TMPRSS11A: variants seen among roughly 807,000 people sequenced by gnomAD.
The protein encoded by TMPRSS11A is transmembrane protease serine 11A.
In TMPRSS11A, 53 loss-of-function variants were observed where a neutral mutation model predicts 58.9. That is an observed-to-expected ratio of 0.90 (90% CI 0.72 to 1.13). The LOEUF (loss-of-function observed/expected upper bound fraction) is 1.13. Among genes scored for constraint, TMPRSS11A ranks in the 50% most tolerant of loss-of-function variants. The pLI is 0.00. For missense variants in TMPRSS11A, 493 were observed against 499.3 expected (o/e 0.99, Z 0.12); for synonymous variants, 167 against 169.8 (o/e 0.98, Z 0.13).
In TMPRSS11A at chr4:67,944,649, A is replaced by T; in HGVS notation, c.134-12T>A. The T allele has an allele frequency of 6.2e-7, 1 of 1,604,128 alleles. No individual in the cohort carries two copies. ...CTCCTTTTTTTGGTCTGCAATGGAA[A>T]TGAAAAATAGGAAACTAAATGGTTT... On this transcript the variant is annotated splice_polypyrimidine_tract_variant and intron_variant, in intron 2 of 9. Transcript: ENST00000508048.
intron 4 of TMPRSS11A, among the ~76,000 whole-genome samples, chr4:67,930,354 T>C (rs1477884051): frequency 6.6e-6 from 1 of 152,198 alleles, no homozygotes; most frequent in Non-Finnish European, 1.5e-5. Context: ...GCTAATCAAT[T>C]GTATATTTGA....
intron 1 of TMPRSS11A, among the ~76,000 whole-genome samples, chr4:67,961,537 A>T (rs1721429027): frequency 3.3e-5 from 2 of 61,180 alleles, no homozygotes; most frequent in Admixed American, 2.6e-4. Context: ...TTTGAGACAG[A>T]GTCTTGTTCT....
chr4:67,930,252 G>A (rs1720578874), intron 4 of TMPRSS11A, among the ~76,000 whole-genome samples: 1 of 152,070 alleles, frequency 6.6e-6, no homozygotes, highest in African/African-American at 2.4e-5. Flanking sequence ...TAATTTGAAG[G>A]ATTGTTACAG....
chr4:67,918,023 C>T (rs183658072), intron 8 of TMPRSS11A, among the ~76,000 whole-genome samples: 36 of 152,238 alleles, frequency 2.4e-4, no homozygotes, highest in African/African-American at 8.4e-4. Flanking sequence ...TCTAGAGACC[C>T]TAAAACCGAT....
rs371262351 is a variant in TMPRSS11A at position 67,911,337 on chromosome 4, G to C, written c.*5C>G. 6.2e-7 allele frequency: 1 copy of C among 1,611,784 alleles called. No homozygotes were observed. ...CAGCTTTCTTTGTTTAACTTTTATCGTGAATTAGATGCCTGTTTTTGAAGC... is the reference window on the plus strand; with the variant it reads ...CAGCTTTCTTTGTTTAACTTTTATCCTGAATTAGATGCCTGTTTTTGAAGC... On this transcript the variant is annotated 3_prime_UTR_variant, in exon 10 of 10. Coordinates refer to ENST00000508048, the MANE Select transcript of TMPRSS11A (RefSeq NM_001114387.2).
rs1201128623 is a variant in TMPRSS11A, at chr4:67,909,666, T to C, written c.*1676A>G. On this transcript the variant is annotated 3_prime_UTR_variant, in exon 10 of 10. Coordinates refer to ENST00000508048, the MANE Select transcript of TMPRSS11A (RefSeq NM_001114387.2). ...CAGCCAGCTGCCTAAATGAATCTCG[T>C]CATTTAAAATTCTTATCTTAAGAGT... 6.6e-6 allele frequency: 1 copy of C among 152,168 alleles called. No homozygotes were observed. The highest frequency in any genetic ancestry group is 6.5e-5 in the Admixed American group (1 of 15,272). The allele number at this position is 152,168 out of a possible 1,614,324, so 9.4% of individuals were successfully genotyped here.
At chr4:67,954,112 C>G (rs940416009) in intron 1 of TMPRSS11A, among the ~76,000 whole-genome samples, 1 of 152,050 alleles carries the variant, frequency 6.6e-6, no homozygotes, top group Admixed American at 6.5e-5. Context: ...AGTTAGGAAC[C>G]AAGAAAAGAA....
chr4:67,911,306 T>A lies in TMPRSS11A; in HGVS notation c.*36A>T. ...GTTGAATTCTCATGCATATATGACC[T>A]GCATACAGCTTTCTTTGTTTAACTT... is the stretch of plus-strand genomic sequence containing the variant. On this transcript the variant is annotated 3_prime_UTR_variant, in exon 10 of 10. Transcript: ENST00000508048. The A allele has an allele frequency of 6.2e-7, 1 of 1,604,884 alleles. No individual in the cohort carries two copies. The highest frequency in any genetic ancestry group is 8.5e-7 in the Non-Finnish European group (1 of 1,173,458).
chr4:67,940,590 C>T (rs1269470836), intron 3 of TMPRSS11A, among the ~76,000 whole-genome samples: 4 of 152,102 alleles, frequency 2.6e-5, no homozygotes, highest in Admixed American at 2.6e-4. Flanking sequence ...TGTAATGTTA[C>T]CTCTATCATT....
At chr4:67,922,675 A>G in intron 7 of TMPRSS11A, 80 bp downstream of exon 7, 2 of 1,330,682 alleles carry the variant, frequency 1.5e-6, no homozygotes, top group Non-Finnish European at 2.1e-6. Context: ...AATATTTGAG[A>G]CATTAATTGT....
In TMPRSS11A at chr4:67,909,468, G is replaced by A. The variant is rs1719911317; in HGVS notation, c.*1874C>T. 6.6e-6 allele frequency: 1 copy of A among 152,086 alleles called. No individual in the cohort carries two copies. The highest frequency in any genetic ancestry group is 2.1e-4 in the South Asian group (1 of 4,832). 9.4% of individuals were successfully genotyped at this position (152,086 alleles called of 1,614,324 possible). On this transcript the variant is annotated 3_prime_UTR_variant, in exon 10 of 10. Transcript: ENST00000508048. ...GCTTACATGTGACCCAAAATGAAAT[G>A]CTGCACCAAATAGTTTAAAAATACA...
intron 4 of TMPRSS11A, among the ~76,000 whole-genome samples, chr4:67,930,263 C>T (rs79043085): frequency 0.018 from 2,680 of 152,202 alleles, 77 homozygotes; most frequent in African/African-American, 0.059. Flanking sequence ...ATTGTTACAG[C>T]AGCTAGGAAT....
In TMPRSS11A at chr4:67,910,867, T is replaced by G. The variant is rs1719952517; in HGVS notation, c.*475A>C. 6.6e-6 allele frequency: 1 copy of G among 152,130 alleles called. No homozygotes were observed. Among genetic ancestry groups the G allele is most frequent in the South Asian group, 2.1e-4 (1 of 4,834 alleles). The allele number at this position is 152,130 out of a possible 1,614,324, so 9.4% of individuals were successfully genotyped here. ...GTGTAGAAGTAGAAAATTCATTTCTTATGGTGGAAAGGTACTTTGGAAAAT... is the reference window on the plus strand; with the variant it reads ...GTGTAGAAGTAGAAAATTCATTTCTGATGGTGGAAAGGTACTTTGGAAAAT... On this transcript the variant is annotated 3_prime_UTR_variant, in exon 10 of 10. Transcript: ENST00000508048.
chr4:67,933,518 T>C (rs1720679311), intron 3 of TMPRSS11A, among the ~76,000 whole-genome samples: 1 of 152,200 alleles, frequency 6.6e-6, no homozygotes, highest in Non-Finnish European at 1.5e-5. Context: ...GATATAGATT[T>C]GGTAATAGCC....
intron 1 of TMPRSS11A, among the ~76,000 whole-genome samples, 181 bp downstream of exon 1, chr4:67,963,202 G>T (rs1721481053): frequency 6.6e-6 from 1 of 152,146 alleles, no homozygotes; most frequent in Non-Finnish European, 1.5e-5. Context: ...CAAAAACTTT[G>T]ATTTCAAACA....
intron 1 of TMPRSS11A, among the ~76,000 whole-genome samples, chr4:67,952,091 A>G (rs1721176820): frequency 6.6e-6 from 1 of 152,202 alleles, no homozygotes; most frequent in African/African-American, 2.4e-5. Flanking sequence ...AGAATATAGA[A>G]CTGCTATTTA....
At position 67,918,961 on chromosome 4, in the gene TMPRSS11A, T is replaced by C. The variant is rs1461316077; in HGVS notation, c.952+12A>G. The C allele has an allele frequency of 6.2e-6, 10 of 1,613,608 alleles. No homozygotes were observed. The highest frequency in any genetic ancestry group is 7.6e-6 in the Non-Finnish European group (9 of 1,179,688). Reference sequence around the variant, plus strand: ...GGGCTTAGCGCTCTGTTAGCTATCCTGAGATACCCACCACCATAGTAAAGT... The same window carrying C: ...GGGCTTAGCGCTCTGTTAGCTATCCCGAGATACCCACCACCATAGTAAAGT... On this transcript the variant is annotated intron_variant, in intron 8 of 9. Transcript: ENST00000508048.
chr4:67,913,181 G>A (rs969230747), intron 9 of TMPRSS11A, among the ~76,000 whole-genome samples: 3 of 152,144 alleles, frequency 2.0e-5, no homozygotes, highest in African/African-American at 7.2e-5. Flanking sequence ...TGGTGCTATG[G>A]TTTGAATGTG....
At chr4:67,955,513 G>A (rs1331012472) in intron 1 of TMPRSS11A, among the ~76,000 whole-genome samples, 1 of 152,186 alleles carries the variant, frequency 6.6e-6, no homozygotes, top group Non-Finnish European at 1.5e-5. Context: ...GTATTCAAAT[G>A]CCTGTGTCAG....
Sources: allele counts gnomAD v4.1 joint callset (sites outside exome capture counted in the v4.1 genomes callset), GRCh38; gene constraint gnomAD v4.1.1; transcripts MANE v1.5; gene names NCBI Gene and HGNC (gene_info 2026-07-23, HGNC 2026-07-21).